The following AGBL1 variants were observed in gnomAD, a reference collection of about 807,000 sequenced individuals.
The protein encoded by AGBL1 is AGBL carboxypeptidase 1, also known as cytosolic carboxypeptidase 4.
AGBL1 carries 130 observed loss-of-function variants against 118.9 expected under a neutral mutation model. That is an observed-to-expected ratio of 1.09 (90% confidence interval 0.95 to 1.26). AGBL1 has a LOEUF of 1.26. Among genes scored for constraint, AGBL1 ranks in the 50% most tolerant of loss-of-function variants. The pLI is 0.00. For synonymous variants in AGBL1, 555 were observed against 478.9 expected, an observed-to-expected ratio of 1.16 and a Z score of -2.08; for missense variants, 1,584 against 1,298.1, an observed-to-expected ratio of 1.22 and a Z score of -3.38.
At position 86,437,003 on chromosome 15, in the gene AGBL1, T is replaced by C. The variant is rs575753661; in HGVS notation, c.2555+39457T>C. On this transcript the variant is annotated intron_variant, in intron 18 of 22. Coordinates refer to ENST00000614907, the MANE Select transcript of AGBL1 (RefSeq NM_001386094.1). Reference sequence around the variant, plus strand: ...GCAGACGGATTTGAGCAGGACTTTGTTTTTTTTTTTTGCATCAAATGACTC... The same window carrying C: ...GCAGACGGATTTGAGCAGGACTTTGCTTTTTTTTTTTGCATCAAATGACTC... Among the ~76,000 whole-genome samples, 5 of 127,848 alleles carry C rather than the reference T, an allele frequency of 3.9e-5. No homozygotes were observed. The East Asian group carries it at 1.4e-3, about 36-fold the overall frequency. The allele number at this position is 127,848 out of a possible 152,430, so 83.9% of individuals were successfully genotyped here.
At chr15:86,489,494 T>G (rs1240357518) in intron 18 of AGBL1, among the ~76,000 whole-genome samples, 2 of 152,132 alleles carry the variant, frequency 1.3e-5, no homozygotes. Flanking sequence ...GCAACTAATT[T>G]AATTCTGAGA....
intron 15 of AGBL1, among the ~76,000 whole-genome samples, chr15:86,278,019 G>A (rs1189943729): frequency 2.6e-5 from 4 of 152,188 alleles, no homozygotes; most frequent in African/African-American, 7.2e-5. Context: ...GCTTTACAAG[G>A]GAAATCAGAA....
chr15:86,510,253 C>T (rs1191274929), intron 18 of AGBL1, among the ~76,000 whole-genome samples: 3 of 152,078 alleles, frequency 2.0e-5, no homozygotes, highest in African/African-American at 7.2e-5. Flanking sequence ...TAAGAATCAC[C>T]TTCTTTTCTA....
At chr15:86,457,409 T>A (rs571622404) in intron 18 of AGBL1, among the ~76,000 whole-genome samples, 1 of 152,186 alleles carries the variant, frequency 6.6e-6, no homozygotes, top group Non-Finnish European at 1.5e-5. Context: ...AAGACCCCGC[T>A]GGGAGCCAAT....
chr15:86,583,500 C>T (rs1377935375), intron 21 of AGBL1, among the ~76,000 whole-genome samples: 5 of 152,102 alleles, frequency 3.3e-5, no homozygotes, highest in Non-Finnish European at 7.4e-5. Flanking sequence ...CATGTTGCTA[C>T]AGAGGACATG....
intron 22 of AGBL1, among the ~76,000 whole-genome samples, chr15:86,860,269 C>T (rs1488824700): frequency 1.3e-5 from 2 of 151,970 alleles, no homozygotes; most frequent in Non-Finnish European, 2.9e-5. Context: ...GAGTTTAGTG[C>T]CCAGCACATG....
chr15:86,646,881 G>T (rs556280095), intron 21 of AGBL1, among the ~76,000 whole-genome samples: 1 of 152,130 alleles, frequency 6.6e-6, no homozygotes, highest in East Asian at 1.9e-4. Flanking sequence ...CATTCTAAAA[G>T]ATATATTTTA....
intron 17 of AGBL1, among the ~76,000 whole-genome samples, chr15:86,315,740 A>G (rs2079996182): frequency 1.4e-5 from 2 of 148,134 alleles, no homozygotes; most frequent in Admixed American, 6.8e-5. Flanking sequence ...AAAAAAGTAT[A>G]TGTAAAACAC....
At chr15:86,460,907 T>C (rs553438012) in intron 18 of AGBL1, among the ~76,000 whole-genome samples, 1 of 152,352 alleles carries the variant, frequency 6.6e-6, no homozygotes, top group African/African-American at 2.4e-5. Flanking sequence ...TTTTCTACTA[T>C]TAACGTTGCA....
intron 18 of AGBL1, among the ~76,000 whole-genome samples, chr15:86,408,801 C>T (rs539831100): frequency 1.3e-5 from 2 of 152,116 alleles, no homozygotes; most frequent in South Asian, 4.1e-4. Context: ...CATTACTTTC[C>T]TTATATTTAA....
chr15:86,430,292 C>T (rs1343843982), intron 18 of AGBL1, among the ~76,000 whole-genome samples: 1 of 151,890 alleles, frequency 6.6e-6, no homozygotes, highest in Non-Finnish European at 1.5e-5. Flanking sequence ...GTCAGGAGAT[C>T]GAGACCATCC....
chr15:86,872,954 AT>A (rs2141509860), intron 22 of AGBL1, among the ~76,000 whole-genome samples: 1 of 152,176 alleles, frequency 6.6e-6, no homozygotes, highest in South Asian at 2.1e-4. Context: ...CCCTCTACCT[AT>A]TGTCAGCCTT....
Position 86,247,819 on chromosome 15 carries a change from G to T in AGBL1, c.675G>T (p.Arg225=), listed in dbSNP as rs756140210. 1 of 1,613,980 alleles carries T rather than the reference G, an allele frequency of 6.2e-7. No individual in the cohort carries two copies. The highest frequency in any genetic ancestry group is 8.5e-7 in the Non-Finnish European group (1 of 1,179,904). The change falls in exon 7 of 23, where the codon CGG becomes CGT. Residue 225 remains arginine (R), a synonymous_variant. Transcript: ENST00000614907. ...LLCLRHIAAL[R]SGREAFLAAQ... ...GCCTCAGGCACATTGCTGCCCTCCG[G>T]TCCGGCAGGGAGGCCTTCCTGGCAG...
intron 18 of AGBL1, among the ~76,000 whole-genome samples, chr15:86,444,893 G>T (rs907870572): frequency 2.6e-5 from 4 of 152,040 alleles, no homozygotes; most frequent in Non-Finnish European, 4.4e-5. Context: ...CACTTAATTT[G>T]GTTTCCCACA....
At chr15:86,838,310 G>A (rs1297616912) in intron 22 of AGBL1, among the ~76,000 whole-genome samples, 1 of 152,052 alleles carries the variant, frequency 6.6e-6, no homozygotes, top group African/African-American at 2.4e-5. Flanking sequence ...TATATACCAA[G>A]CTTCTTATAG....
At chr15:86,697,170 C>G (rs2086277837) in intron 22 of AGBL1, among the ~76,000 whole-genome samples, 1 of 151,858 alleles carries the variant, frequency 6.6e-6, no homozygotes, top group Non-Finnish European at 1.5e-5. Context: ...AAGTTTTCCT[C>G]AATTATTTCC....
chr15:86,408,153 CT>C (rs1567241402), intron 18 of AGBL1, among the ~76,000 whole-genome samples: 1 of 152,176 alleles, frequency 6.6e-6, no homozygotes, highest in African/African-American at 2.4e-5. Context: ...CATCCCCTCT[CT>C]GAAAGCTTAC....
At chr15:86,942,388 G>A (rs997763864) in intron 23 of AGBL1, among the ~76,000 whole-genome samples, 6 of 152,094 alleles carry the variant, frequency 3.9e-5, no homozygotes, top group South Asian at 2.1e-4. Flanking sequence ...CTCTACTGTC[G>A]GGAAGTTTCT....
At chr15:86,725,652 A>G (rs2086807819) in intron 22 of AGBL1, among the ~76,000 whole-genome samples, 1 of 152,208 alleles carries the variant, frequency 6.6e-6, no homozygotes, top group Non-Finnish European at 1.5e-5. Context: ...ATTCCTTTGT[A>G]AAGTAGGGTT....
Sources: gnomAD v4.1 joint callset for allele counts (sites outside exome capture counted in the v4.1 genomes callset) on GRCh38, gnomAD v4.1.1 for gene constraint, MANE v1.5 for transcripts, NCBI Gene and HGNC (gene_info 2026-07-23, HGNC 2026-07-21) for gene names.